SLC35F5: variants seen among roughly 807,000 people sequenced by gnomAD.
The protein encoded by SLC35F5 is HCV NS5A-transactivated protein 3.
SLC35F5 carries 54 observed loss-of-function variants against 68.6 expected under a neutral mutation model. The ratio of observed to expected loss-of-function variants is 0.79; its 90% CI spans 0.63 to 0.99. The LOEUF is 0.99. SLC35F5 is among the 50% of genes least tolerant of loss of function. The pLI, the probability that SLC35F5 is intolerant of heterozygous loss-of-function variation, is 0.00. For missense variants in SLC35F5, 567 were observed against 626.9 expected, an observed-to-expected ratio of 0.90 and a Z score of 1.02; for synonymous variants, 211 against 205.2, an observed-to-expected ratio of 1.03 and a Z score of -0.24.
At chr2:113,723,330 T>C (rs1687528278) in intron 12 of SLC35F5, 136 bp from the exon 13 acceptor site, 2 of 413,582 alleles carry the variant, frequency 4.8e-6, no homozygotes, top group African/African-American at 2.1e-5. Flanking sequence ...GATTGAAACA[T>C]AAAATATAAT....
In SLC35F5 at chr2:113,756,563, C is replaced by G; in HGVS notation, c.-154G>C. On this transcript the variant is annotated 5_prime_UTR_variant, in exon 1 of 16. Coordinates refer to ENST00000245680, the MANE Select transcript of SLC35F5 (RefSeq NM_025181.5). ...GAGAGGCTCCCGACACCACCCAACTCCACTCGGCCCAGGAGGGCGTGGAGC... is the reference window on the plus strand; with the variant it reads ...GAGAGGCTCCCGACACCACCCAACTGCACTCGGCCCAGGAGGGCGTGGAGC... 6.8e-7 allele frequency: 1 copy of G among 1,462,174 alleles called. No individual in the cohort carries two copies. Among genetic ancestry groups the G allele is most frequent in the Non-Finnish European group, 9.0e-7 (1 of 1,110,380 alleles). 90.6% of individuals were successfully genotyped at this position (1,462,174 alleles called of 1,614,324 possible).
Position 113,713,544 on chromosome 2 carries a change from A to G in SLC35F5, c.*1674T>C, listed in dbSNP as rs1011676311. On this transcript the variant is annotated 3_prime_UTR_variant, in exon 16 of 16. Coordinates refer to ENST00000245680, the MANE Select transcript of SLC35F5 (RefSeq NM_025181.5). ...GGTATCTAGATTATAAACTTCAACCAAAAGTAGTCCTTGAGTAATTAAAAT... is the reference window on the plus strand; with the variant it reads ...GGTATCTAGATTATAAACTTCAACCGAAAGTAGTCCTTGAGTAATTAAAAT... 1 of 152,258 alleles carries G rather than the reference A, an allele frequency of 6.6e-6. No individual in the cohort carries two copies. The highest frequency in any genetic ancestry group is 1.5e-5 in the Non-Finnish European group (1 of 68,040). The allele number at this position is 152,258 out of a possible 1,614,324, so 9.4% of individuals were successfully genotyped here.
At chr2:113,738,031 C>T (rs1303723755) in intron 7 of SLC35F5, among the ~76,000 whole-genome samples, 1 of 152,118 alleles carries the variant, frequency 6.6e-6, no homozygotes. Context: ...ATACACATGA[C>T]ATTGTCTACT....
chr2:113,750,549 T>C lies in SLC35F5; in HGVS notation c.293A>G (p.Asn98Ser), dbSNP rs143352356. ...TGCAAAGGTGCTGAAGAATGGTTTG[T>C]TGTACTGGGTAAAAACATACTGTAG... ...ELTSYVFTQY[N>S]KPFFSTFAKT... Residue 98 changes from asparagine (N) to serine (S), a missense_variant, in exon 4 of 16, where the codon AAC becomes AGC. Asn to Ser is a conservative substitution (Grantham distance 46). Coordinates refer to ENST00000245680, the MANE Select transcript of SLC35F5 (RefSeq NM_025181.5). The C allele has an allele frequency of 1.9e-4, 313 of 1,611,194 alleles. No homozygotes were observed. The highest frequency in any genetic ancestry group is 2.4e-4 in the Non-Finnish European group (283 of 1,178,686).
At chr2:113,704,208 T>C (rs1186137021), downstream of SLC35F5, 1 of 152,262 alleles carries the variant, frequency 6.6e-6, no homozygotes, top group Non-Finnish European at 1.5e-5. Context: ...TTTATTCTCT[T>C]ATCTGGCCCC....
In SLC35F5 at chr2:113,738,040, C is replaced by T. The variant is rs952028898; in HGVS notation, c.751-2182G>A. Among the ~76,000 whole-genome samples the T allele has an allele frequency of 3.9e-5, 6 of 152,250 alleles. No individual in the cohort carries two copies. The South Asian group carries it at 1.2e-3, about 32-fold the overall frequency. Reference sequence around the variant, plus strand: ...TTTAATATACACATGACATTGTCTACTGATTACCATAGTCAAATTAATGAG... The same window carrying T: ...TTTAATATACACATGACATTGTCTATTGATTACCATAGTCAAATTAATGAG... On this transcript the variant is annotated intron_variant, in intron 7 of 15. Transcript: ENST00000245680.
At chr2:113,741,072 T>A (rs1199385218) in intron 7 of SLC35F5, among the ~76,000 whole-genome samples, 2 of 152,222 alleles carry the variant, frequency 1.3e-5, no homozygotes, top group Non-Finnish European at 1.5e-5. Flanking sequence ...AGATGGTATA[T>A]CTGTACAATG....
rs11386050 is a variant in SLC35F5 at position 113,752,217 on chromosome 2, C to CAA, written c.274-1651_274-1650dup. ...ACAAGAGCAAAACTCTGTCCCATCTCAAAAAAAAAAAAAAAAGATTAATAA... is the reference window on the plus strand; with the variant it reads ...ACAAGAGCAAAACTCTGTCCCATCTCAAAAAAAAAAAAAAAAAAGATTAATAA... On this transcript the variant is annotated intron_variant, in intron 3 of 15. Transcript: ENST00000245680. Among the ~76,000 whole-genome samples the CAA allele has an allele frequency of 7.8e-3, 883 of 113,004 alleles. 8 individuals are homozygous for CAA. The highest frequency in any genetic ancestry group is 0.017 in the Middle Eastern group (4 of 234). 74.1% of individuals were successfully genotyped at this position (113,004 alleles called of 152,430 possible).
rs756081590 is a variant in SLC35F5, at chr2:113,710,046, G to A, written c.*5172C>T. On this transcript the variant is annotated 3_prime_UTR_variant, in exon 16 of 16. Transcript: ENST00000245680. ...GCCCAGCCTGATCTTGAACTCCTGG[G>A]CTCACGTGATCCTCCTGCCTCAGTC... Among the ~76,000 whole-genome samples the A allele has an allele frequency of 3.4e-4, 51 of 152,044 alleles. No individual in the cohort carries two copies. Among genetic ancestry groups the A allele is most frequent in the Non-Finnish European group, 6.8e-4 (46 of 68,008 alleles).
chr2:113,740,366 T>C (rs1676210071), intron 7 of SLC35F5, among the ~76,000 whole-genome samples: 2 of 152,188 alleles, frequency 1.3e-5, no homozygotes, highest in South Asian at 2.1e-4. Context: ...AAAGGAACTA[T>C]CTCTCTTCCT....
intron 11 of SLC35F5, 58 bp downstream of exon 11, chr2:113,729,343 C>G (rs1687794246): frequency 4.4e-6 from 4 of 904,466 alleles, no homozygotes; most frequent in Non-Finnish European, 6.9e-6. Flanking sequence ...AAAACAAAAG[C>G]AAAACCCTGT....
intron 6 of SLC35F5, among the ~76,000 whole-genome samples, chr2:113,743,512 A>C (rs779269628): frequency 9.9e-5 from 15 of 152,168 alleles, no homozygotes; most frequent in South Asian, 4.1e-4. Context: ...GGTATTTGGA[A>C]ATTATTTCCA....
At chr2:113,746,955 A>G (rs1182733172) in intron 4 of SLC35F5, among the ~76,000 whole-genome samples, 6 of 150,836 alleles carry the variant, frequency 4.0e-5, no homozygotes, top group Non-Finnish European at 7.4e-5. Flanking sequence ...GGTAAGAAAC[A>G]TCTTGGTATT....
intron 3 of SLC35F5, among the ~76,000 whole-genome samples, chr2:113,752,621 A>T (rs1170384049): frequency 3.9e-5 from 6 of 152,238 alleles, no homozygotes. Context: ...TGTGTGATAC[A>T]TCCAATAGGA....
At chr2:113,745,033 A>C (rs547331908) in intron 5 of SLC35F5, among the ~76,000 whole-genome samples, 10 of 152,314 alleles carry the variant, frequency 6.6e-5, no homozygotes, top group Middle Eastern at 3.4e-3. Flanking sequence ...CCAACAACAA[A>C]AAAAAATTCA....
rs182229680 is a variant in SLC35F5 at position 113,725,595 on chromosome 2, T to C, written c.1091-58A>G. 766 of 1,444,746 alleles carry C rather than the reference T, an allele frequency of 5.3e-4. 3 individuals carry two copies. The African/African-American group carries it at 0.01, about 19-fold the overall frequency. 89.5% of individuals were successfully genotyped at this position (1,444,746 alleles called of 1,614,324 possible). ...TTGATTTATTTCTATTTTCCAAGCT[T>C]ATTAACTCTAAAATCAAAATTAGAT... On this transcript the variant is annotated intron_variant, in intron 11 of 15. Transcript: ENST00000245680.
intron 1 of SLC35F5, chr2:113,756,151 G>A (rs1676976549): frequency 5.5e-6 from 8 of 1,448,538 alleles, no homozygotes; most frequent in African/African-American, 2.8e-5. Context: ...CCTCCCCGGG[G>A]AGCCGAGGCG....
At position 113,707,142 on chromosome 2, in the gene SLC35F5, C is replaced by T. The variant is rs982846815; in HGVS notation, c.*8076G>A. ...AGGTAAAAATCTGCATTAAATTACA[C>T]CAAGAAAAACATTTCTAAAACATTG... is the stretch of plus-strand genomic sequence containing the variant. On this transcript the variant is annotated 3_prime_UTR_variant, in exon 16 of 16. Coordinates refer to ENST00000245680, the MANE Select transcript of SLC35F5 (RefSeq NM_025181.5). Among the ~76,000 whole-genome samples the T allele has an allele frequency of 3.9e-5, 6 of 151,946 alleles. No homozygotes were observed. The highest frequency in any genetic ancestry group is 1.5e-4 in the African/African-American group (6 of 41,372).
chr2:113,741,719 G>T (rs947631455), intron 7 of SLC35F5, among the ~76,000 whole-genome samples: 3 of 145,048 alleles, frequency 2.1e-5, no homozygotes, highest in African/African-American at 7.6e-5. Context: ...AAAAAAGATC[G>T]AAATGGTATA....
Sources: allele counts gnomAD v4.1 joint callset (sites outside exome capture counted in the v4.1 genomes callset), GRCh38; gene constraint gnomAD v4.1.1; transcripts MANE v1.5; gene names NCBI Gene and HGNC (gene_info 2026-07-23, HGNC 2026-07-21).